The following JAK2 variants were observed in gnomAD, a reference collection of about 807,000 sequenced individuals.
JAK2 encodes the protein tyrosine-protein kinase JAK2.
JAK2 carries 86 observed loss-of-function variants against 139.3 expected under a neutral mutation model. That is an observed-to-expected ratio of 0.62 (90% CI 0.52 to 0.74). JAK2 has a LOEUF of 0.74. JAK2 is among the 30% of genes least tolerant of loss of function. The pLI is 0.00. For missense variants in JAK2, 1,421 were observed against 1,360.3 expected, an observed-to-expected ratio of 1.04 and a Z score of -0.70; for synonymous variants, 490 against 437.7, an observed-to-expected ratio of 1.12 and a Z score of -1.49.
intron 6 of JAK2, 57 bp downstream of exon 6, chr9:5,050,888 C>G (rs928672000): frequency 5.6e-6 from 8 of 1,428,570 alleles, no homozygotes; most frequent in Non-Finnish European, 6.8e-6. Flanking sequence ...TTATATAATT[C>G]GTATATATTT....
chr9:5,069,935 C>T lies in JAK2; in HGVS notation c.1524C>T (p.Asn508=). 6.3e-7 allele frequency: 1 copy of T among 1,595,128 alleles called. No individual in the cohort carries two copies. Among genetic ancestry groups the T allele is most frequent in the Non-Finnish European group, 8.6e-7 (1 of 1,167,310 alleles). ...CCPPKPKDKS[N]LLVFRTNGVS... The stretch of plus-strand genomic sequence containing the variant: ...ATTTTATTTTTTCAGATAAATCAAA[C>T]CTTCTAGTCTTCAGAACGAATGGTG... Residue 508 remains asparagine, a synonymous_variant, in exon 12 of 25, where the codon AAC becomes AAT. Transcript: ENST00000381652.
chr9:5,090,820 G>A lies in JAK2; in HGVS notation c.2968G>A (p.Val990Ile). ...RNILVENENR[V>I]KIGDFGLTKV... ...TATATTGGTGGAGAACGAGAACAGA[G>A]TTAAAATTGGAGATTTTGGGTTAAC... Residue 990 changes from valine (V) to isoleucine (I), a missense_variant, in exon 22 of 25, where the codon GTT becomes ATT. Transcript: ENST00000381652. 2 of 1,613,526 alleles carry A rather than the reference G, an allele frequency of 1.2e-6. No homozygotes were observed. The highest frequency in any genetic ancestry group is 1.1e-5 in the South Asian group (1 of 91,052).
At chr9:5,077,122 G>A (rs1819358902) in intron 14 of JAK2, among the ~76,000 whole-genome samples, 2 of 151,458 alleles carry the variant, frequency 1.3e-5, no homozygotes, top group East Asian at 3.9e-4. Flanking sequence ...AAAGTTATGT[G>A]GAAGAGAAAT....
At chr9:5,097,389 C>G (rs1564001425) in intron 22 of JAK2, 1 of 152,128 alleles carries the variant, frequency 6.6e-6, no homozygotes, top group Non-Finnish European at 1.5e-5. Context: ...AAGTTTATAT[C>G]CTTATTCTAT....
At chr9:5,031,067 A>G (rs1031470655) in intron 4 of JAK2, among the ~76,000 whole-genome samples, 5 of 152,156 alleles carry the variant, frequency 3.3e-5, no homozygotes, top group South Asian at 2.1e-4. Flanking sequence ...AAAATTAGAA[A>G]GTTATTTGAA....
At chr9:5,042,803 G>A (rs1053397971) in intron 4 of JAK2, among the ~76,000 whole-genome samples, 1 of 152,220 alleles carries the variant, frequency 6.6e-6, no homozygotes, top group African/African-American at 2.4e-5. Context: ...GGGAACGGAG[G>A]GGTGGGGCCG....
intron 2 of JAK2, among the ~76,000 whole-genome samples, chr9:5,019,407 G>T (rs1041479140): frequency 6.6e-6 from 1 of 151,666 alleles, no homozygotes; most frequent in Non-Finnish European, 1.5e-5. Context: ...CTCTCTCTTT[G>T]GTAAATTTCT....
At chr9:5,010,036 T>A (rs1821590455) in intron 2 of JAK2, among the ~76,000 whole-genome samples, 1 of 152,188 alleles carries the variant, frequency 6.6e-6, no homozygotes. Context: ...ACTTCCAAAT[T>A]GCTGGGATTG....
chr9:5,056,055 C>A (rs1276240190), intron 8 of JAK2, among the ~76,000 whole-genome samples: 1 of 151,978 alleles, frequency 6.6e-6, no homozygotes, highest in African/African-American at 2.4e-5. Flanking sequence ...CTTTCTCCCC[C>A]ATCCCTACTC....
chr9:4,994,387 G>A (rs56845968), intron 2 of JAK2, among the ~76,000 whole-genome samples: 2 of 151,930 alleles, frequency 1.3e-5, no homozygotes, highest in African/African-American at 4.8e-5. Context: ...ACAAATTGCC[G>A]CTGGGCCCCA....
intron 2 of JAK2, among the ~76,000 whole-genome samples, chr9:5,000,655 A>G (rs1402840763): frequency 1.3e-5 from 2 of 152,122 alleles, no homozygotes; most frequent in African/African-American, 2.4e-5. Flanking sequence ...AATTTTCCCT[A>G]TATGCTCAAA....
intron 15 of JAK2, among the ~76,000 whole-genome samples, chr9:5,078,091 ATTCAT>A (rs1196555493): frequency 2.0e-5 from 3 of 152,326 alleles, no homozygotes; most frequent in South Asian, 2.1e-4. Context: ...GTTTTAATTT[ATTCAT>A]TTCATCACAA....
At chr9:5,109,918 T>C (rs556901042) in intron 22 of JAK2, 1 of 152,306 alleles carries the variant, frequency 6.6e-6, no homozygotes, top group South Asian at 2.1e-4. Context: ...ATCATGTCTT[T>C]CTTACTAACT....
chr9:5,092,938 G>A (rs963655280), intron 22 of JAK2, among the ~76,000 whole-genome samples: 24 of 152,144 alleles, frequency 1.6e-4, no homozygotes, highest in African/African-American at 5.3e-4. Context: ...CCTACAGAGA[G>A]TACAAAATAA....
chr9:4,997,702 T>C lies in JAK2; in HGVS notation c.-26+11680T>C, dbSNP rs528165583. On this transcript the variant is annotated intron_variant, in intron 2 of 24. Coordinates refer to ENST00000381652, the MANE Select transcript of JAK2 (RefSeq NM_004972.4). ...TATAGGCAACAATTGAATATATTGG[T>C]TTTATAAAGGTTTGATATGGAAAGA... Among the ~76,000 whole-genome samples the C allele has an allele frequency of 4.6e-4, 70 of 152,294 alleles. 1 individual carries two copies. Among genetic ancestry groups the C allele is most frequent in the Middle Eastern group, 3.4e-3 (1 of 294 alleles).
intron 4 of JAK2, among the ~76,000 whole-genome samples, chr9:5,033,226 T>C (rs1345821349): frequency 2.0e-5 from 3 of 152,126 alleles, no homozygotes; most frequent in Non-Finnish European, 2.9e-5. Context: ...AACAAAGCCT[T>C]CAAGAAATAT....
intron 3 of JAK2, among the ~76,000 whole-genome samples, chr9:5,028,906 C>G (rs1329880715): frequency 6.6e-6 from 1 of 152,168 alleles, no homozygotes; most frequent in Non-Finnish European, 1.5e-5. Flanking sequence ...ACCACTCAAA[C>G]TTTTGTCACA....
intron 22 of JAK2, chr9:5,112,581 T>A (rs1822704507): frequency 2.8e-6 from 2 of 715,266 alleles, no homozygotes; most frequent in East Asian, 5.8e-5. Flanking sequence ...TGCGGGTCCC[T>A]TAAGAGGGCT....
intron 19 of JAK2, chr9:5,085,619 C>T: frequency 1.4e-6 from 1 of 705,422 alleles, no homozygotes; most frequent in Non-Finnish European, 2.6e-6. Flanking sequence ...AAATCTCCAG[C>T]AAGGACAGCC....
Sources: allele counts gnomAD v4.1 joint callset (sites outside exome capture counted in the v4.1 genomes callset), GRCh38; gene constraint gnomAD v4.1.1; transcripts MANE v1.5; gene names NCBI Gene and HGNC (gene_info 2026-07-23, HGNC 2026-07-21).